Variants in FGF7 observed in about 807,000 individuals in gnomAD.
FGF7 encodes fibroblast growth factor 7, also known as FGF-7.
FGF7 carries 6 observed loss-of-function variants against 20.5 expected under a neutral mutation model. The ratio of observed to expected loss-of-function variants is 0.29; its 90% CI spans 0.16 to 0.58. The LOEUF is 0.58. Ranked by LOEUF, FGF7 falls within the 20% of genes least tolerant of loss-of-function variation. FGF7 has a pLI of 0.90. For synonymous variants in FGF7, 64 were observed against 74.7 expected (o/e 0.86, Z 0.74); for missense variants, 144 against 228.8 (o/e 0.63, Z 2.39).
chr15:49,463,064 T>A (rs950696398), intron 2 of FGF7, among the ~76,000 whole-genome samples: 1 of 152,206 alleles, frequency 6.6e-6, no homozygotes, highest in South Asian at 2.1e-4. Flanking sequence ...TATGGAAATA[T>A]AACCTGTTTG....
chr15:49,445,709 T>G (rs1205896942), intron 2 of FGF7, among the ~76,000 whole-genome samples: 2 of 151,500 alleles, frequency 1.3e-5, no homozygotes, highest in Admixed American at 1.3e-4. Flanking sequence ...ATCCATCAAG[T>G]TCAGATGATA....
intron 2 of FGF7, among the ~76,000 whole-genome samples, chr15:49,474,500 A>G (rs1202831426): frequency 6.6e-6 from 1 of 152,222 alleles, no homozygotes; most frequent in Non-Finnish European, 1.5e-5. Flanking sequence ...ACAGACAGGT[A>G]AATCAATGGG....
intron 2 of FGF7, among the ~76,000 whole-genome samples, chr15:49,431,927 C>T (rs1188041948): frequency 6.6e-6 from 1 of 151,458 alleles, no homozygotes; most frequent in Admixed American, 6.6e-5. Context: ...ATTGAAATAA[C>T]AATTTCAGAT....
At chr15:49,459,087 A>G (rs186996526) in intron 2 of FGF7, among the ~76,000 whole-genome samples, 4 of 152,314 alleles carry the variant, frequency 2.6e-5, no homozygotes, top group Non-Finnish European at 4.4e-5. Flanking sequence ...ATATAAATAC[A>G]AACATTACTG....
At position 49,476,232 on chromosome 15, in the gene FGF7, G is replaced by GTTT; in HGVS notation, c.287-6908_287-6906dup. 3.1e-4 allele frequency among the ~76,000 whole-genome samples: 18 copies of GTTT among 57,448 alleles called. 1 individual carries two copies. The highest frequency in any genetic ancestry group is 4.5e-4 in the East Asian group (1 of 2,222). 37.7% of individuals were successfully genotyped at this position (57,448 alleles called of 152,430 possible). Reference sequence around the variant, plus strand: ...TTGCTGTTTTGTTTTTTTGTTTTTGGTTTTTTTTTTTTTGCATTTGGCATA... The same window carrying GTTT: ...TTGCTGTTTTGTTTTTTTGTTTTTGGTTTTTTTTTTTTTTTTGCATTTGGCATA... On this transcript the variant is annotated intron_variant, in intron 2 of 3. Transcript: ENST00000267843.
chr15:49,438,850 T>G (rs2051347946), intron 2 of FGF7, among the ~76,000 whole-genome samples: 2 of 148,886 alleles, frequency 1.3e-5, no homozygotes, highest in African/African-American at 2.5e-5. Flanking sequence ...AGAGAGTGGG[T>G]GGTAAGGTGA....
intron 2 of FGF7, among the ~76,000 whole-genome samples, chr15:49,425,695 G>A (rs939276960): frequency 2.0e-5 from 3 of 151,604 alleles, no homozygotes; most frequent in African/African-American, 7.3e-5. Flanking sequence ...CCAATCAATG[G>A]GAATTTCAGA....
At chr15:49,481,272 C>T (rs1352229042) in intron 2 of FGF7, among the ~76,000 whole-genome samples, 1 of 152,168 alleles carries the variant, frequency 6.6e-6, no homozygotes, top group Non-Finnish European at 1.5e-5. Flanking sequence ...TTGCACCAAC[C>T]TAACTGATAC....
chr15:49,463,160 A>G (rs987036329), intron 2 of FGF7, among the ~76,000 whole-genome samples: 13 of 152,322 alleles, frequency 8.5e-5, no homozygotes, highest in African/African-American at 2.2e-4. Context: ...CAGTACTACA[A>G]TCTCTTCACT....
intron 2 of FGF7, among the ~76,000 whole-genome samples, chr15:49,426,933 T>G (rs1157926556): frequency 1.3e-5 from 2 of 151,998 alleles, no homozygotes; most frequent in African/African-American, 4.8e-5. Flanking sequence ...AAAACTGTCG[T>G]AAGGTTATGT....
chr15:49,471,252 G>A (rs1180339316), intron 2 of FGF7, among the ~76,000 whole-genome samples: 1 of 51,498 alleles, frequency 1.9e-5, no homozygotes, highest in East Asian at 6.6e-4. Flanking sequence ...TTGGGAGGCC[G>A]AGGTGGGTGG....
intron 2 of FGF7, among the ~76,000 whole-genome samples, chr15:49,464,962 A>G (rs2054131972): frequency 6.6e-6 from 1 of 152,232 alleles, no homozygotes; most frequent in South Asian, 2.1e-4. Flanking sequence ...TATTAAGGTG[A>G]TAATAAACAC....
chr15:49,428,785 T>G (rs1408865197), intron 2 of FGF7, among the ~76,000 whole-genome samples: 1 of 151,980 alleles, frequency 6.6e-6, no homozygotes, highest in African/African-American at 2.4e-5. Flanking sequence ...TTGCCTCACT[T>G]GATTATAATG....
intron 2 of FGF7, among the ~76,000 whole-genome samples, chr15:49,478,500 C>A (rs1178855933): frequency 1.3e-5 from 2 of 152,042 alleles, no homozygotes; most frequent in African/African-American, 2.4e-5. Context: ...ATTTCCCACT[C>A]AACAATCCAG....
At chr15:49,463,550 C>CAAAAAAA (rs34545202) in intron 2 of FGF7, among the ~76,000 whole-genome samples, 3 of 125,914 alleles carry the variant, frequency 2.4e-5, no homozygotes, top group African/African-American at 9.0e-5. Flanking sequence ...GATTCCGTCT[C>CAAAAAAA]AAAAAAAAAA....
chr15:49,447,401 T>C (rs530425400), intron 2 of FGF7, among the ~76,000 whole-genome samples: 10 of 151,726 alleles, frequency 6.6e-5, no homozygotes, highest in African/African-American at 2.4e-4. Flanking sequence ...TAGTTAGTGA[T>C]AGAGTCAGAT....
intron 2 of FGF7, among the ~76,000 whole-genome samples, chr15:49,439,727 GCAGA>G (rs1182711197): frequency 1.3e-5 from 2 of 151,654 alleles, no homozygotes; most frequent in Non-Finnish European, 3.0e-5. Flanking sequence ...TTCTCTTACT[GCAGA>G]CAGAGGGAGG....
chr15:49,431,026 AT>A (rs977284483), intron 2 of FGF7, among the ~76,000 whole-genome samples: 7 of 151,810 alleles, frequency 4.6e-5, no homozygotes, highest in Non-Finnish European at 1.0e-4. Flanking sequence ...GTATCACACA[AT>A]TTTTGGTAGC....
At chr15:49,438,782 G>T (rs1261314967) in intron 2 of FGF7, among the ~76,000 whole-genome samples, 1 of 151,482 alleles carries the variant, frequency 6.6e-6, no homozygotes. Context: ...AGGTAGGCCA[G>T]ATTTCTTGAA....
Sources: allele counts gnomAD v4.1 joint callset (sites outside exome capture counted in the v4.1 genomes callset), GRCh38; gene constraint gnomAD v4.1.1; transcripts MANE v1.5; gene names NCBI Gene and HGNC (gene_info 2026-07-23, HGNC 2026-07-21).